The following UGT1A7 variants were observed in gnomAD, a reference collection of about 807,000 sequenced individuals.
The protein encoded by UGT1A7 is UDP glucuronosyltransferase family 1 member A7, also known as UDP-glucuronosyltransferase 1A7.
A neutral mutation model predicts 45.6 loss-of-function variants in UGT1A7; 33 were observed. That is an observed-to-expected ratio of 0.72 (90% CI 0.55 to 0.97). The LOEUF (loss-of-function observed/expected upper bound fraction) is 0.97, where lower values mean the gene tolerates loss of function less well. Ranked by LOEUF, UGT1A7 falls within the 50% of genes least tolerant of loss-of-function variation. The pLI is 0.00. For missense variants in UGT1A7, 684 were observed against 666.2 expected (o/e 1.03, Z -0.29); for synonymous variants, 274 against 250.6 (o/e 1.09, Z -0.88).
chr2:233,702,001 G>A (rs553035619), intron 1 of UGT1A7, among the ~76,000 whole-genome samples: 30 of 152,034 alleles, frequency 2.0e-4, no homozygotes, highest in African/African-American at 7.0e-4. Context: ...GATCAGAGCA[G>A]AACTGAAGGA....
chr2:233,682,829 T>A, intron 1 of UGT1A7, 37 bp downstream of exon 1: 1 of 1,558,018 alleles, frequency 6.4e-7, no homozygotes, highest in Non-Finnish European at 8.7e-7. Flanking sequence ...AAGAATAATC[T>A]GGCTTTGGAA....
chr2:233,712,255 A>C (rs549632113), intron 1 of UGT1A7, among the ~76,000 whole-genome samples: 13 of 152,356 alleles, frequency 8.5e-5, no homozygotes, highest in South Asian at 2.1e-4. Flanking sequence ...GTTGTCTTGC[A>C]CATGTGTGCT....
In UGT1A7 at chr2:233,772,290, A is replaced by G; in HGVS notation, c.1324A>G (p.Ser442Gly). The part of the protein sequence containing the change: ...SYKENIMRLS[S>G]LHKDRPVEPL... Reference sequence around the variant, plus strand: ...CAAGGAGAACATCATGCGCCTCTCCAGCCTTCACAAGGACCGCCCGGTGGA... The same window carrying G: ...CAAGGAGAACATCATGCGCCTCTCCGGCCTTCACAAGGACCGCCCGGTGGA... The change falls in exon 5 of 5, where the codon AGC (serine) becomes GGC (glycine). Residue 442 changes from serine (S) to glycine (G), a missense_variant. Ser to Gly is a moderately conservative substitution (Grantham distance 56). Coordinates refer to ENST00000373426, the MANE Select transcript of UGT1A7 (RefSeq NM_019077.3). The G allele has an allele frequency of 6.2e-7, 1 of 1,614,260 alleles. No individual in the cohort carries two copies. Among genetic ancestry groups the G allele is most frequent in the Non-Finnish European group, 8.5e-7 (1 of 1,180,044 alleles).
chr2:233,729,041 C>T (rs1448371491), intron 1 of UGT1A7: 32 of 1,605,278 alleles, frequency 2.0e-5, no homozygotes, highest in Non-Finnish European at 2.7e-5. Flanking sequence ...CTAAGTGGCT[C>T]AGTGACAAGG....
At chr2:233,736,476 GGTTT>G (rs1395913354) in intron 1 of UGT1A7, among the ~76,000 whole-genome samples, 2 of 152,080 alleles carry the variant, frequency 1.3e-5, no homozygotes, top group African/African-American at 2.4e-5. Flanking sequence ...AGCTTGGAGA[GGTTT>G]GTTACTACCA....
intron 1 of UGT1A7, chr2:233,719,395 C>A (rs770164749): frequency 4.0e-5 from 64 of 1,613,854 alleles, no homozygotes; most frequent in Non-Finnish European, 5.2e-5. Context: ...AATCCTTCCT[C>A]CTATATTCCT....
chr2:233,719,549 G>A (rs1246410052), intron 1 of UGT1A7: 1 of 1,613,938 alleles, frequency 6.2e-7, no homozygotes, highest in African/African-American at 1.3e-5. Context: ...AGAGAGAGGT[G>A]TCAGTGGTGG....
At chr2:233,724,298 C>T (rs1308100434) in intron 1 of UGT1A7, among the ~76,000 whole-genome samples, 3 of 143,234 alleles carry the variant, frequency 2.1e-5, no homozygotes, top group African/African-American at 7.8e-5. Flanking sequence ...CTGACCCCCC[C>T]ACCTCCCTCC....
intron 1 of UGT1A7, among the ~76,000 whole-genome samples, chr2:233,712,404 C>G (rs2076232549): frequency 6.6e-6 from 1 of 152,176 alleles, no homozygotes; most frequent in Admixed American, 6.5e-5. Flanking sequence ...AGAGAGTCCT[C>G]TTTGAGCTTT....
chr2:233,725,079 C>A lies in UGT1A7; in HGVS notation c.856-41955C>A, dbSNP rs370992455. ...GCGCGCGCCTGCAATCGCAGGCACT[C>A]GGCAGGCTGAGGCAGGAGAATCAGG... On this transcript the variant is annotated intron_variant, in intron 1 of 4. Transcript: ENST00000373426. 3.5e-5 allele frequency among the ~76,000 whole-genome samples: 5 copies of A among 144,208 alleles called. 1 individual carries two copies. Among genetic ancestry groups the A allele is most frequent in the Admixed American group, 7.0e-5 (1 of 14,340 alleles). 94.6% of individuals were successfully genotyped at this position (144,208 alleles called of 152,430 possible).
chr2:233,769,918 G>T lies in UGT1A7; in HGVS notation c.1295+1479G>T. ...TGAGCATCATGTGCCCAGAGCGTTG[G>T]GTGGTGTGGTCCCATTCCTTCCTTC... is the stretch of plus-strand genomic sequence containing the variant. On this transcript the variant is annotated intron_variant, in intron 4 of 4. Coordinates refer to ENST00000373426, the MANE Select transcript of UGT1A7 (RefSeq NM_019077.3). This position sits in a 1 kb window ranked among gnomAD's most constrained non-coding sequence, Gnocchi z 4.4. The T allele has an allele frequency of 3.5e-6, 1 of 286,558 alleles. No homozygotes were observed. The highest frequency in any genetic ancestry group is 6.5e-6 in the Non-Finnish European group (1 of 153,120). 17.8% of individuals were successfully genotyped at this position (286,558 alleles called of 1,614,324 possible). A position where few individuals can be genotyped will look rare whatever the true frequency, so the allele number is the denominator to read the frequency against.
Position 233,760,912 on chromosome 2 carries a change from C to G in UGT1A7, c.856-6122C>G, listed in dbSNP as rs72551343. On this transcript the variant is annotated intron_variant, in intron 1 of 4. Transcript: ENST00000373426. ...TTCAGATCACATGACCTTCCTGCAG[C>G]GGGTGAAGAACATGCTCATTGCCTT... The G allele has an allele frequency of 6.2e-7, 1 of 1,614,070 alleles. No individual in the cohort carries two copies. The highest frequency in any genetic ancestry group is 1.3e-5 in the African/African-American group (1 of 74,930).
intron 1 of UGT1A7, among the ~76,000 whole-genome samples, chr2:233,744,313 G>A (rs1203522735): frequency 6.6e-6 from 1 of 151,838 alleles, no homozygotes; most frequent in Non-Finnish European, 1.5e-5. Context: ...GAGGGAAGAG[G>A]GTGGTGGGAG....
Position 233,772,319 on chromosome 2 carries a change from GCT to G in UGT1A7, c.1354_1355del (p.Leu452GlyfsTer53). ...TTCACAAGGACCGCCCGGTGGAGCC[GCT>G]GGACCTGGCCGTGTTCTGGGTGGAG... ...SLHKDRPVEP[L>X]DLAVFWVEFV... On this transcript the variant is annotated frameshift_variant, in exon 5 of 5. Coordinates refer to ENST00000373426, the MANE Select transcript of UGT1A7 (RefSeq NM_019077.3). LOFTEE classifies it high-confidence loss of function. 1 of 1,614,164 alleles carries G rather than the reference GCT, an allele frequency of 6.2e-7. No homozygotes were observed. Among genetic ancestry groups the G allele is most frequent in the Non-Finnish European group, 8.5e-7 (1 of 1,180,030 alleles).
intron 1 of UGT1A7, among the ~76,000 whole-genome samples, chr2:233,686,716 G>A (rs1484687692): frequency 6.6e-6 from 1 of 152,080 alleles, no homozygotes; most frequent in Non-Finnish European, 1.5e-5. Flanking sequence ...CCTCCCACCG[G>A]CTATGAAGGT....
chr2:233,691,794 T>C (rs1414888702), intron 1 of UGT1A7: 1 of 237,524 alleles, frequency 4.2e-6, no homozygotes, highest in Non-Finnish European at 6.8e-6. Flanking sequence ...GCTAGACTTA[T>C]ACTTCTCAAA....
At position 233,772,889 on chromosome 2, in the gene UGT1A7, T is replaced by C. The variant is rs1433214773; in HGVS notation, c.*330T>C. 3.8e-6 allele frequency: 2 copies of C among 531,532 alleles called. No homozygotes were observed. The highest frequency in any genetic ancestry group is 5.3e-5 in the East Asian group (1 of 18,828). 32.9% of individuals were successfully genotyped at this position (531,532 alleles called of 1,614,324 possible). On this transcript the variant is annotated 3_prime_UTR_variant, in exon 5 of 5. Transcript: ENST00000373426. Reference sequence around the variant, plus strand: ...TGTTTGGGAGTGCGGGATTCAAAGGTGGTCCCACGGCTGCCCCTACTGCAA... The same window carrying C: ...TGTTTGGGAGTGCGGGATTCAAAGGCGGTCCCACGGCTGCCCCTACTGCAA...
chr2:233,690,317 C>T (rs956358462), intron 1 of UGT1A7, among the ~76,000 whole-genome samples: 2 of 152,128 alleles, frequency 1.3e-5, no homozygotes, highest in Non-Finnish European at 2.9e-5. Context: ...ACTTATGGGT[C>T]GTAGGTCATA....
chr2:233,683,804 T>A (rs1006776761), intron 1 of UGT1A7, among the ~76,000 whole-genome samples: 3 of 152,222 alleles, frequency 2.0e-5, no homozygotes, highest in Non-Finnish European at 4.4e-5. Flanking sequence ...TTGTATGTAG[T>A]CATATTACTA....
Sources: gnomAD v4.1 joint callset for allele counts (sites outside exome capture counted in the v4.1 genomes callset) on GRCh38, gnomAD v4.1.1 for gene constraint, Gnocchi (gnomAD v3.1) non-coding constraint, MANE v1.5 for transcripts, NCBI Gene and HGNC (gene_info 2026-07-23, HGNC 2026-07-21) for gene names.